CASK: variants seen among roughly 807,000 people sequenced by gnomAD.
CASK encodes peripheral plasma membrane protein CASK.
In CASK, 4 loss-of-function variants were observed where a neutral mutation model predicts 82.9. The ratio of observed to expected loss-of-function variants is 0.05; its 90% CI spans 0.02 to 0.11. The LOEUF is 0.11. CASK is among the 10% of genes least tolerant of loss of function. CASK has a pLI of 1.00. For synonymous variants in CASK, 259 were observed against 253.5 expected (o/e 1.02, Z -0.20); for missense variants, 358 against 720.9 (o/e 0.50, Z 5.76).
intron 5 of CASK, among the ~76,000 whole-genome samples, chrX:41,687,897 G>A (rs2067469754): frequency 9.7e-6 from 1 of 103,329 alleles, no homozygotes; most frequent in Non-Finnish European, 2.0e-5. Context: ...GGTGGAGGCT[G>A]CAGTGAGCCG....
intron 13 of CASK, chrX:41,587,609 C>T (rs2065675994): frequency 8.9e-6 from 1 of 111,872 alleles, no homozygotes. Flanking sequence ...GCCAGGGAGC[C>T]TAAGAGAACA....
chrX:41,810,500 A>G (rs1397795722), intron 2 of CASK, among the ~76,000 whole-genome samples: 4 of 111,445 alleles, frequency 3.6e-5, no homozygotes, highest in Non-Finnish European at 5.7e-5. Flanking sequence ...CATAAGTGAA[A>G]GAGAAATAAA....
intron 8 of CASK, among the ~76,000 whole-genome samples, chrX:41,643,876 T>C (rs2066706920): frequency 8.9e-6 from 1 of 111,872 alleles, no homozygotes; most frequent in African/African-American, 3.2e-5. Context: ...ATGCTTCCAG[T>C]TTTTGCCCAT....
intron 12 of CASK, among the ~76,000 whole-genome samples, chrX:41,600,874 A>G (rs1302123386): frequency 8.9e-6 from 1 of 112,198 alleles, no homozygotes; most frequent in East Asian, 2.8e-4. Context: ...TGAGTAGACA[A>G]ACAAAATGTA....
intron 1 of CASK, among the ~76,000 whole-genome samples, chrX:41,920,005 G>A (rs939243986): frequency 5.4e-5 from 6 of 112,121 alleles, no homozygotes; most frequent in African/African-American, 1.9e-4. Context: ...TAAATTAAAC[G>A]AGAACTTTCA....
chrX:41,718,789 A>G (rs1386636132), intron 5 of CASK, among the ~76,000 whole-genome samples: 2 of 111,932 alleles, frequency 1.8e-5, no homozygotes, highest in Admixed American at 1.9e-4. Flanking sequence ...CTTATGCCCA[A>G]ACAAAAGGGA....
intron 14 of CASK, among the ~76,000 whole-genome samples, chrX:41,581,815 T>A (rs17146070): frequency 0.02 from 2,229 of 110,302 alleles, 53 homozygotes; most frequent in African/African-American, 0.069. Flanking sequence ...TATTTAGGAA[T>A]GACCAATGAG....
intron 1 of CASK, among the ~76,000 whole-genome samples, chrX:41,888,894 T>C (rs1464845778): frequency 9.2e-6 from 1 of 108,990 alleles, no homozygotes; most frequent in South Asian, 3.9e-4. Context: ...CACTCATTGA[T>C]TGATGGGCAT....
chrX:41,717,782 T>C (rs1470576479), intron 5 of CASK, among the ~76,000 whole-genome samples: 1 of 112,165 alleles, frequency 8.9e-6, no homozygotes, highest in African/African-American at 3.2e-5. Flanking sequence ...TTTTGAGTTG[T>C]ACATCCTTTT....
chrX:41,691,356 C>T (rs758243686), intron 5 of CASK, among the ~76,000 whole-genome samples: 1 of 111,638 alleles, frequency 9.0e-6, no homozygotes, highest in Non-Finnish European at 1.9e-5. Context: ...AGATTAATAC[C>T]CTTTCCAAAG....
At chrX:41,893,557 C>T (rs1284263907) in intron 1 of CASK, among the ~76,000 whole-genome samples, 1 of 111,599 alleles carries the variant, frequency 9.0e-6, no homozygotes, top group Non-Finnish European at 1.9e-5. Flanking sequence ...TCCCAATTAT[C>T]TACTGCTCCT....
intron 4 of CASK, among the ~76,000 whole-genome samples, chrX:41,744,943 C>T (rs1038904093): frequency 1.8e-5 from 2 of 111,777 alleles, no homozygotes; most frequent in African/African-American, 6.5e-5. Flanking sequence ...GCTTCCTGTA[C>T]AAAAATCATC....
chrX:41,837,422 CATA>C (rs1201396609), intron 2 of CASK, among the ~76,000 whole-genome samples: 1 of 111,692 alleles, frequency 9.0e-6, no homozygotes. Flanking sequence ...AGAACTGCTA[CATA>C]ATAATCCCCC....
intron 15 of CASK, among the ~76,000 whole-genome samples, chrX:41,576,451 C>T (rs2065487478): frequency 9.0e-6 from 1 of 111,150 alleles, no homozygotes; most frequent in Admixed American, 9.6e-5. Flanking sequence ...TCCAACACAG[C>T]TTTCTCTCCT....
chrX:41,748,430 G>C lies in CASK; in HGVS notation c.279-2829C>G, dbSNP rs372285031. On this transcript the variant is annotated intron_variant, in intron 3 of 26. Coordinates refer to ENST00000378163, the MANE Select transcript of CASK (RefSeq NM_001367721.1). The stretch of plus-strand genomic sequence containing the variant: ...GAGGTAGGTTAAACAAGTGTGGAGT[G>C]ATCAGCCCCAGATCCCAGATTTGAT... The C allele has an allele frequency of 3.9e-5, 6 of 155,016 alleles. No individual in the cohort carries two copies. The East Asian group carries it at 8.9e-4, about 23-fold the overall frequency. The allele number at this position is 155,016 out of a possible 1,213,427, so 12.8% of individuals were successfully genotyped here.
rs755974959 is a variant in CASK at position 41,666,532 on chromosome X, A to C, written c.533-1080T>G. On this transcript the variant is annotated intron_variant, in intron 6 of 26. Coordinates refer to ENST00000378163, the MANE Select transcript of CASK (RefSeq NM_001367721.1). The stretch of plus-strand genomic sequence containing the variant: ...TAGAACTCAGAACTGTGGTTTTAAA[A>C]GACCTTAGAGATCTTCTGGTTCAGC... Among the ~76,000 whole-genome samples, 29 of 112,345 alleles carry C rather than the reference A, an allele frequency of 2.6e-4. No individual in the cohort carries two copies. The South Asian group carries it at 6.6e-3, about 26-fold the overall frequency.
intron 16 of CASK, among the ~76,000 whole-genome samples, chrX:41,563,171 C>T (rs963076220): frequency 9.6e-6 from 1 of 104,375 alleles, no homozygotes; most frequent in Non-Finnish European, 2.0e-5. Context: ...TTGAGACCAA[C>T]CTGGGCAATA....
chrX:41,589,711 C>T (rs2065714706), intron 12 of CASK, 119 bp from the exon 13 acceptor site: 3 of 519,004 alleles, frequency 5.8e-6, no homozygotes, highest in Admixed American at 5.5e-5. Flanking sequence ...CTGATGATTT[C>T]AGTGGGATCC....
intron 8 of CASK, among the ~76,000 whole-genome samples, chrX:41,646,278 T>C (rs778967625): frequency 1.2e-3 from 136 of 111,263 alleles, no homozygotes; most frequent in Non-Finnish European, 2.2e-3. Flanking sequence ...AACTTTAATT[T>C]AGGAAGACTG....
Sources: gnomAD v4.1 joint callset for allele counts (sites outside exome capture counted in the v4.1 genomes callset) on GRCh38, gnomAD v4.1.1 for gene constraint, MANE v1.5 for transcripts, NCBI Gene and HGNC (gene_info 2026-07-23, HGNC 2026-07-21) for gene names.